Variants in MYO1D observed in about 807,000 individuals in gnomAD.
The protein encoded by MYO1D is unconventional myosin-Id.
In MYO1D, 83 loss-of-function variants were observed where a neutral mutation model predicts 122.0. The observed-to-expected ratio is 0.68, with a 90% CI of 0.57 to 0.82. The LOEUF is 0.82. MYO1D is among the 40% of genes least tolerant of loss of function. MYO1D has a pLI of 0.00. For missense variants in MYO1D, 1,157 were observed against 1,269.5 expected, an observed-to-expected ratio of 0.91 and a Z score of 1.35; for synonymous variants, 464 against 446.9, an observed-to-expected ratio of 1.04 and a Z score of -0.48.
intron 4 of MYO1D, among the ~76,000 whole-genome samples, chr17:32,774,170 G>A (rs2090151578): frequency 1.3e-5 from 2 of 152,286 alleles, no homozygotes; most frequent in Admixed American, 1.3e-4. Flanking sequence ...CTCTTAAAGA[G>A]GCGGCTGGAG....
At chr17:32,564,904 A>G (rs2087158738) in intron 21 of MYO1D, among the ~76,000 whole-genome samples, 2 of 152,208 alleles carry the variant, frequency 1.3e-5, no homozygotes, top group Non-Finnish European at 2.9e-5. Flanking sequence ...CATACCCCCC[A>G]TCTCACAATT....
At chr17:32,658,877 AG>A (rs2088513365) in intron 17 of MYO1D, 2 of 535,004 alleles carry the variant, frequency 3.7e-6, no homozygotes, top group East Asian at 6.5e-5. Context: ...GCTTGTGTCC[AG>A]GGGTTGTGGC....
At chr17:32,795,334 G>C (rs1428919447) in intron 1 of MYO1D, among the ~76,000 whole-genome samples, 5 of 152,024 alleles carry the variant, frequency 3.3e-5, no homozygotes, top group African/African-American at 1.2e-4. Flanking sequence ...AACACGGCAA[G>C]GAGAACACAT....
In MYO1D at chr17:32,615,078, C is replaced by T. The variant is rs566387028; in HGVS notation, c.2710-9837G>A. Reference sequence around the variant, plus strand: ...AGAATCCAAGAACATAATAAAGTAGCGGTCGTTTCATTCCACTAAGTCTGG... The same window carrying T: ...AGAATCCAAGAACATAATAAAGTAGTGGTCGTTTCATTCCACTAAGTCTGG... On this transcript the variant is annotated intron_variant, in intron 20 of 21. Coordinates refer to ENST00000318217, the MANE Select transcript of MYO1D (RefSeq NM_015194.3). Among the ~76,000 whole-genome samples the T allele has an allele frequency of 5.3e-5, 8 of 152,314 alleles. 1 individual carries two copies. The South Asian group carries it at 1.5e-3, about 28-fold the overall frequency.
intron 20 of MYO1D, among the ~76,000 whole-genome samples, chr17:32,618,039 T>C (rs900357586): frequency 6.6e-6 from 1 of 152,216 alleles, no homozygotes; most frequent in Non-Finnish European, 1.5e-5. Flanking sequence ...TTAAAACAGA[T>C]GCATCTTCAG....
chr17:32,526,069 GA>G (rs1347073010), intron 21 of MYO1D, among the ~76,000 whole-genome samples: 1 of 152,066 alleles, frequency 6.6e-6, no homozygotes, highest in Non-Finnish European at 1.5e-5. Context: ...TCACTTTTAG[GA>G]GCCTTTCCGA....
intron 20 of MYO1D, among the ~76,000 whole-genome samples, chr17:32,634,301 C>A (rs2088066818): frequency 6.6e-6 from 1 of 152,194 alleles, no homozygotes; most frequent in Admixed American, 6.5e-5. Context: ...CAAAAAGCAA[C>A]TCTCAAGAGG....
At chr17:32,687,530 A>G (rs1206977374) in intron 16 of MYO1D, among the ~76,000 whole-genome samples, 1 of 151,478 alleles carries the variant, frequency 6.6e-6, no homozygotes, top group African/African-American at 2.4e-5. Context: ...TTTTGTAGAG[A>G]CAGGATCTCA....
intron 21 of MYO1D, among the ~76,000 whole-genome samples, chr17:32,541,000 G>C (rs1265560481): frequency 1.3e-5 from 2 of 151,414 alleles, no homozygotes; most frequent in East Asian, 3.9e-4. Flanking sequence ...GCTGCTGGTA[G>C]AAATACAGTG....
At position 32,764,970 on chromosome 17, in the gene MYO1D, G is replaced by C. The variant is rs200384662; in HGVS notation, c.943C>G (p.Leu315Val). The C allele has an allele frequency of 5.0e-6, 8 of 1,614,168 alleles. No individual in the cohort carries two copies. In the Admixed American group the frequency reaches 1.0e-4, roughly 20 times the overall value. The change falls in exon 8 of 22, where the codon CTT (leucine) becomes GTT (valine). Residue 315 changes from leucine (L) to valine (V), a missense_variant. Physicochemically the swap from Leu to Val is conservative, Grantham distance 32 (BLOSUM62 1). Coordinates refer to ENST00000318217, the MANE Select transcript of MYO1D (RefSeq NM_015194.3). ...CCTGTGGCCACAGTCCGGTAAAGAAGGGCTTTCTCAACCATATCTGTCTTA... is the reference window on the plus strand; with the variant it reads ...CCTGTGGCCACAGTCCGGTAAAGAACGGCTTTCTCAACCATATCTGTCTTA... ...STKTDMVEKA[L>V]LYRTVATGRD... is the part of the protein sequence containing the mutation.
At chr17:32,596,691 CAGAAAG>C (rs913673899) in intron 21 of MYO1D, among the ~76,000 whole-genome samples, 1 of 152,214 alleles carries the variant, frequency 6.6e-6, no homozygotes, top group African/African-American at 2.4e-5. Context: ...CTTGCATCCA[CAGAAAG>C]AGAACAGGAA....
At chr17:32,851,859 C>G (rs1019690867) in intron 1 of MYO1D, among the ~76,000 whole-genome samples, 15 of 152,248 alleles carry the variant, frequency 9.9e-5, no homozygotes, top group Admixed American at 9.8e-4. Flanking sequence ...TGCTGGCCCG[C>G]TGCTCACCTC....
chr17:32,504,424 GGATGACCCGGGCCCAAGCT>G (rs1909425195), intron 21 of MYO1D: 1 of 150,532 alleles, frequency 6.6e-6, no homozygotes, highest in Admixed American at 6.6e-5. Flanking sequence ...AATGCGGTGA[GGATGACCCGGGCCCAAGCT>G]CGTGGATGCT....
In MYO1D at chr17:32,502,480, G is replaced by A. The variant is rs116065838; in HGVS notation, c.2865-7565C>T. On this transcript the variant is annotated intron_variant, in intron 21 of 21. Coordinates refer to ENST00000318217, the MANE Select transcript of MYO1D (RefSeq NM_015194.3). ...GGTGATGAAAATATTCCGGAACTAG[G>A]TAGAGGTGATGGTCTTGTAACATTG... Among the ~76,000 whole-genome samples the A allele has an allele frequency of 7.7e-3, 1,177 of 152,264 alleles. 16 individuals carry two copies. The highest frequency in any genetic ancestry group is 0.026 in the African/African-American group (1,094 of 41,534).
chr17:32,673,066 G>T (rs1004911302), intron 16 of MYO1D, among the ~76,000 whole-genome samples: 31 of 106,070 alleles, frequency 2.9e-4, no homozygotes, highest in Non-Finnish European at 4.9e-4. Context: ...GTTGACCATT[G>T]TAAGGAATTA....
chr17:32,495,032 CAGG>C, intron 21 of MYO1D, 117 bp from the exon 22 acceptor site: 1 of 1,280,592 alleles, frequency 7.8e-7, no homozygotes, highest in East Asian at 2.6e-5. Context: ...CCACAAGTGC[CAGG>C]AGGATGCCTG....
At position 32,493,822 on chromosome 17, in the gene MYO1D, T is replaced by A. The variant is rs1426844394; in HGVS notation, c.*937A>T. 6.6e-6 allele frequency: 1 copy of A among 152,350 alleles called. No homozygotes were observed. The highest frequency in any genetic ancestry group is 6.5e-5 in the Admixed American group (1 of 15,284). 9.4% of individuals were successfully genotyped at this position (152,350 alleles called of 1,614,324 possible). ...GCTTCCTGCTTCCCGTCATCCCGTG[T>A]CTTGACCCCGCCCTTGCTGTTTCTC... On this transcript the variant is annotated 3_prime_UTR_variant, in exon 22 of 22. Transcript: ENST00000318217.
chr17:32,760,479 T>C lies in MYO1D; in HGVS notation c.1181+3A>G, dbSNP rs752642085. 2.5e-6 allele frequency: 4 copies of C among 1,611,948 alleles called. No individual in the cohort carries two copies. The highest frequency in any genetic ancestry group is 4.5e-5 in the East Asian group (2 of 44,830). ...AAGGTTTTAAGTATCTTTTCCAGTT[T>C]ACCTGTTGTTGTCAAAGATTTCAAA... On this transcript the variant is annotated splice_donor_region_variant and intron_variant, in intron 9 of 21. Transcript: ENST00000318217.
chr17:32,545,508 C>T (rs139030742), intron 21 of MYO1D, among the ~76,000 whole-genome samples: 26 of 152,260 alleles, frequency 1.7e-4, no homozygotes, highest in African/African-American at 6.0e-4. Flanking sequence ...GAGTGGAATA[C>T]CATTCCACCT....
Sources: allele counts gnomAD v4.1 joint callset (sites outside exome capture counted in the v4.1 genomes callset), GRCh38; gene constraint gnomAD v4.1.1; transcripts MANE v1.5; gene names NCBI Gene and HGNC (gene_info 2026-07-23, HGNC 2026-07-21).